The following OPCML variants were observed in gnomAD, a reference collection of about 807,000 sequenced individuals.
OPCML encodes opioid-binding protein/cell adhesion molecule.
In OPCML, 13 loss-of-function variants were observed where a neutral mutation model predicts 37.8. The ratio of observed to expected loss-of-function variants is 0.34; its 90% CI spans 0.22 to 0.55. The LOEUF (loss-of-function observed/expected upper bound fraction) is 0.55. Ranked by LOEUF, OPCML falls within the 20% of genes least tolerant of loss-of-function variation. The probability of loss-of-function intolerance (pLI) is 0.91; values close to 1 mark genes in which losing one functional copy is unlikely to be tolerated. For missense variants in OPCML, 341 were observed against 435.6 expected, an observed-to-expected ratio of 0.78 and a Z score of 1.93; for synonymous variants, 176 against 168.8, an observed-to-expected ratio of 1.04 and a Z score of -0.33.
At chr11:133,499,877 T>A (rs866411992) in intron 1 of OPCML, among the ~76,000 whole-genome samples, 5,508 of 141,078 alleles carry the variant, frequency 0.039, 403 homozygotes, top group African/African-American at 0.14. Context: ...TATATATATT[T>A]TTTTTTTTTT....
chr11:132,441,165 G>GTTTTTTTTTTTTCTTTTTTTT (rs2096032003), intron 4 of OPCML, among the ~76,000 whole-genome samples: 1 of 72,402 alleles, frequency 1.4e-5, no homozygotes, highest in Non-Finnish European at 2.3e-5. Context: ...GGACTTTTTT[G>GTTTTTTTTTTTTCTTTTTTTT]TTTTTTTTTT....
chr11:132,448,090 G>A (rs557611477), intron 4 of OPCML, among the ~76,000 whole-genome samples: 2 of 152,208 alleles, frequency 1.3e-5, no homozygotes, highest in Non-Finnish European at 2.9e-5. Flanking sequence ...ATGGCCCAGA[G>A]CACTGAAAGA....
chr11:133,082,224 G>A (rs961439167), intron 1 of OPCML, among the ~76,000 whole-genome samples: 5 of 151,590 alleles, frequency 3.3e-5, no homozygotes, highest in Non-Finnish European at 1.5e-5. Context: ...CACGACCCGG[G>A]GTCCTGGGCC....
chr11:133,124,829 T>C (rs539747539), intron 1 of OPCML, among the ~76,000 whole-genome samples: 1 of 152,312 alleles, frequency 6.6e-6, no homozygotes, highest in African/African-American at 2.4e-5. Flanking sequence ...TCAAAACCAG[T>C]GTAGGAACCT....
intron 1 of OPCML, among the ~76,000 whole-genome samples, chr11:133,332,726 T>A (rs1943649174): frequency 6.6e-6 from 1 of 152,196 alleles, no homozygotes; most frequent in Admixed American, 6.5e-5. Context: ...GTGGTTTTTG[T>A]TTTTAGTTCT....
chr11:133,437,965 T>C (rs1318303300), intron 1 of OPCML, among the ~76,000 whole-genome samples: 1 of 151,576 alleles, frequency 6.6e-6, no homozygotes, highest in Non-Finnish European at 1.5e-5. Flanking sequence ...CCATAAATAC[T>C]TCAGGGAAAA....
chr11:132,422,028 T>C (rs2095961128), intron 7 of OPCML, among the ~76,000 whole-genome samples: 1 of 152,180 alleles, frequency 6.6e-6, no homozygotes, highest in African/African-American at 2.4e-5. Context: ...CATATGTTTC[T>C]TTAAAATTAT....
chr11:133,510,734 G>A (rs1232562197), intron 1 of OPCML, among the ~76,000 whole-genome samples: 2 of 152,214 alleles, frequency 1.3e-5, no homozygotes, highest in Admixed American at 1.3e-4. Flanking sequence ...GGATGAACTC[G>A]TCATGCCTCC....
At chr11:133,005,771 T>A (rs1947098913) in intron 1 of OPCML, 6 of 983,534 alleles carry the variant, frequency 6.1e-6, no homozygotes, top group Non-Finnish European at 7.2e-6. Context: ...TGAATCACAT[T>A]ATTTTATGAA....
chr11:132,850,642 T>C (rs79875713), intron 2 of OPCML, among the ~76,000 whole-genome samples: 1 of 152,166 alleles, frequency 6.6e-6, no homozygotes, highest in African/African-American at 2.4e-5. Flanking sequence ...TGAGAGGTTA[T>C]TTTTTGAGGA....
chr11:133,518,322 AGT>A (rs368081900), intron 1 of OPCML, among the ~76,000 whole-genome samples: 236 of 135,282 alleles, frequency 1.7e-3, no homozygotes, highest in East Asian at 8.1e-3. Flanking sequence ...AGCGTGTATA[AGT>A]GTGTGTGTGT....
intron 2 of OPCML, among the ~76,000 whole-genome samples, chr11:132,851,771 T>C (rs868499574): frequency 6.6e-6 from 1 of 152,160 alleles, no homozygotes; most frequent in Non-Finnish European, 1.5e-5. Context: ...AGGTTGAGTG[T>C]CTTGCCCAGT....
chr11:132,998,177 G>A (rs978090116), intron 1 of OPCML, among the ~76,000 whole-genome samples: 4 of 152,134 alleles, frequency 2.6e-5, no homozygotes, highest in Non-Finnish European at 5.9e-5. Context: ...ATTCTGTCAC[G>A]GTTCCACTCA....
chr11:132,631,197 C>G (rs1469815966), intron 3 of OPCML, among the ~76,000 whole-genome samples: 1 of 151,720 alleles, frequency 6.6e-6, no homozygotes, highest in African/African-American at 2.4e-5. Context: ...TATGAGAGAA[C>G]TTTTTAAAAA....
chr11:132,618,787 C>G (rs976586241), intron 3 of OPCML, among the ~76,000 whole-genome samples: 12 of 152,064 alleles, frequency 7.9e-5, no homozygotes, highest in African/African-American at 2.9e-4. Context: ...CCAGAACTTT[C>G]CCATCATTCC....
At chr11:133,187,747 G>T (rs1444088213) in intron 1 of OPCML, among the ~76,000 whole-genome samples, 1 of 152,146 alleles carries the variant, frequency 6.6e-6, no homozygotes, top group Non-Finnish European at 1.5e-5. Context: ...GGTATCATAC[G>T]CATATATTGT....
At chr11:133,324,087 A>T (rs937688833) in intron 1 of OPCML, among the ~76,000 whole-genome samples, 8 of 152,178 alleles carry the variant, frequency 5.3e-5, no homozygotes, top group Non-Finnish European at 1.0e-4. Flanking sequence ...CGGAGTTGGC[A>T]GCCGGCTCCA....
In OPCML at chr11:132,703,570, G is replaced by A. The variant is rs551336991; in HGVS notation, c.147-46251C>T. Among the ~76,000 whole-genome samples, 7 of 152,292 alleles carry A rather than the reference G, an allele frequency of 4.6e-5. No homozygotes were observed. The South Asian group carries it at 1.2e-3, about 27-fold the overall frequency. Reference sequence around the variant, plus strand: ...CTCAGTCTGTCCAGAGATTCTGGTGGGCTGGTTGGTAGGGTCTACCAGTAG... The same window carrying A: ...CTCAGTCTGTCCAGAGATTCTGGTGAGCTGGTTGGTAGGGTCTACCAGTAG... On this transcript the variant is annotated intron_variant, in intron 2 of 7. Coordinates refer to ENST00000524381, the MANE Select transcript of OPCML (RefSeq NM_001012393.5).
chr11:132,985,869 T>A lies in OPCML; in HGVS notation c.62-42859A>T, dbSNP rs548928713. Reference sequence around the variant, plus strand: ...TCATTCTGTTCTGCTAGTCTGAATGTATTTTCTCTTGGTTTTCCAATTGTC... The same window carrying A: ...TCATTCTGTTCTGCTAGTCTGAATGAATTTTCTCTTGGTTTTCCAATTGTC... On this transcript the variant is annotated intron_variant, in intron 1 of 7. Transcript: ENST00000524381. Among the ~76,000 whole-genome samples, 10 of 152,346 alleles carry A rather than the reference T, an allele frequency of 6.6e-5. No homozygotes were observed. The East Asian group carries it at 1.7e-3, about 26-fold the overall frequency.
Sources: allele counts gnomAD v4.1 joint callset (sites outside exome capture counted in the v4.1 genomes callset), GRCh38; gene constraint gnomAD v4.1.1; transcripts MANE v1.5; gene names NCBI Gene and HGNC (gene_info 2026-07-23, HGNC 2026-07-21).